The following NEMP2 variants were observed in gnomAD, a reference collection of about 807,000 sequenced individuals.
NEMP2 encodes the protein UPF0571 transmembrane protein.
Under a neutral mutation model 54.2 loss-of-function variants are expected in NEMP2, and 53 were observed. The ratio of observed to expected loss-of-function variants is 0.98; its 90% CI spans 0.78 to 1.23. The LOEUF (loss-of-function observed/expected upper bound fraction) is 1.23, where lower values mean the gene tolerates loss of function less well. Among genes scored for constraint, NEMP2 ranks in the 50% most tolerant of loss-of-function variants. The pLI is 0.00. For synonymous variants in NEMP2, 197 were observed against 190.3 expected, an observed-to-expected ratio of 1.04 and a Z score of -0.29; for missense variants, 455 against 511.3, an observed-to-expected ratio of 0.89 and a Z score of 1.06.
At chr2:190,497,885 G>GAC in the NEMP2 span, 839 of 770,696 alleles carry the variant, frequency 1.1e-3, 5 homozygotes, top group African/African-American at 0.014. The surrounding 1 kb of genome is among the most constrained non-coding windows in gnomAD (Gnocchi z 5.2). Context: ...AGTTAAAGAG[G>GAC]GTGTATACAA....
In NEMP2 at chr2:190,510,674, G is replaced by T. The variant is rs1690330767; in HGVS notation, c.954-137C>A. 2 of 754,056 alleles carry T rather than the reference G, an allele frequency of 2.7e-6. No homozygotes were observed. The highest frequency in any genetic ancestry group is 4.3e-6 in the Non-Finnish European group (2 of 461,276). The allele number at this position is 754,056 out of a possible 1,614,324, so 46.7% of individuals were successfully genotyped here. A position where few individuals can be genotyped will look rare whatever the true frequency, so the allele number is the denominator to read the frequency against. On this transcript the variant is annotated intron_variant, in intron 7 of 8. Transcript: ENST00000409150. The surrounding 1 kb of genome is among the most constrained non-coding windows in gnomAD (Gnocchi z 5.7). Reference sequence around the variant, plus strand: ...GGGGAGGCGGATCACGAGGTCAGGAGATTGAGACGGTCCTGGCTAACAAGG... The same window carrying T: ...GGGGAGGCGGATCACGAGGTCAGGATATTGAGACGGTCCTGGCTAACAAGG...
chr2:190,602,723 T>C, the NEMP2 span, among the ~76,000 whole-genome samples: 1 of 151,968 alleles, frequency 6.6e-6, no homozygotes, highest in Non-Finnish European at 1.5e-5. Flanking sequence ...GCCAAGGGAG[T>C]GCAGTTTTCT....
At chr2:190,582,640 G>GCTT in the NEMP2 span, among the ~76,000 whole-genome samples, 1 of 152,176 alleles carries the variant, frequency 6.6e-6, no homozygotes, top group Non-Finnish European at 1.5e-5. The surrounding 1 kb of genome is among the most constrained non-coding windows in gnomAD (Gnocchi z 4.6). Flanking sequence ...AAGAAGGTTG[G>GCTT]CTTCTGATTC....
the NEMP2 span, among the ~76,000 whole-genome samples, chr2:190,620,767 C>A: frequency 6.6e-6 from 1 of 152,028 alleles, no homozygotes; most frequent in Non-Finnish European, 1.5e-5. The surrounding 1 kb of genome is among the most constrained non-coding windows in gnomAD (Gnocchi z 4.9). Flanking sequence ...CTAGACAAGG[C>A]AATTAGACAA....
At chr2:190,503,161 G>C (rs1690092276), downstream of NEMP2, among the ~76,000 whole-genome samples, 1 of 152,188 alleles carries the variant, frequency 6.6e-6, no homozygotes, top group African/African-American at 2.4e-5. The surrounding 1 kb of genome is among the most constrained non-coding windows in gnomAD (Gnocchi z 6.3). Context: ...CTGATGCTTT[G>C]TGAAATGTAG....
rs375753412 is a variant in NEMP2 at position 190,509,183 on chromosome 2, C to T, written c.*6G>A. 5.6e-5 allele frequency: 87 copies of T among 1,551,536 alleles called. 1 individual carries two copies. In the South Asian group the frequency reaches 9.8e-4, roughly 17 times the overall value. The stretch of plus-strand genomic sequence containing the variant: ...TCCAGAATGAAGTCAACTTGAAGGT[C>T]GCATGTCAGGCAGTACTCGGGTTAA... On this transcript the variant is annotated 3_prime_UTR_variant, in exon 9 of 9. Coordinates refer to ENST00000409150, the MANE Select transcript of NEMP2 (RefSeq NM_001142645.2). This position sits in a 1 kb window ranked among gnomAD's most constrained non-coding sequence, Gnocchi z 6.1.
At chr2:190,422,523 T>C in the NEMP2 span, among the ~76,000 whole-genome samples, 1 of 152,232 alleles carries the variant, frequency 6.6e-6, no homozygotes, top group Non-Finnish European at 1.5e-5. Flanking sequence ...TAAACTCAAG[T>C]AATAATTTGG....
At chr2:190,457,865 C>T in the NEMP2 span, among the ~76,000 whole-genome samples, 2 of 152,266 alleles carry the variant, frequency 1.3e-5, no homozygotes, top group African/African-American at 4.8e-5. This position sits in a 1 kb window ranked among gnomAD's most constrained non-coding sequence, Gnocchi z 5.1. Flanking sequence ...CCATGCTGCC[C>T]ATTTTAAAAC....
the NEMP2 span, among the ~76,000 whole-genome samples, chr2:190,539,896 T>G: frequency 6.6e-6 from 1 of 152,208 alleles, no homozygotes; most frequent in Non-Finnish European, 1.5e-5. This position sits in a 1 kb window ranked among gnomAD's most constrained non-coding sequence, Gnocchi z 4.1. Flanking sequence ...CCTTTCCAAT[T>G]TGGAAGCCCT....
chr2:190,565,982 A>G, the NEMP2 span, among the ~76,000 whole-genome samples: 1 of 152,010 alleles, frequency 6.6e-6, no homozygotes, highest in African/African-American at 2.4e-5. Flanking sequence ...TAGAAAACTA[A>G]TATCTCCCCC....
In NEMP2 at chr2:190,513,693, G is replaced by A. The variant is rs748866513; in HGVS notation, c.953+760C>T. ...TTTCTCTCCATCAGGAAAGCCCTCC[G>A]CATTTATTCGTCTGGTTATTTTTAT... On this transcript the variant is annotated intron_variant, in intron 7 of 8. Coordinates refer to ENST00000409150, the MANE Select transcript of NEMP2 (RefSeq NM_001142645.2). The surrounding 1 kb of genome is among the most constrained non-coding windows in gnomAD (Gnocchi z 5.3). 5.3e-5 allele frequency among the ~76,000 whole-genome samples: 8 copies of A among 152,144 alleles called. No individual in the cohort carries two copies. Among genetic ancestry groups the A allele is most frequent in the Non-Finnish European group, 1.2e-4 (8 of 68,022 alleles).
the NEMP2 span, among the ~76,000 whole-genome samples, chr2:190,427,922 G>A: frequency 6.6e-6 from 1 of 152,178 alleles, no homozygotes; most frequent in South Asian, 2.1e-4. Context: ...AGTAGAGATG[G>A]GGTTTCACCA....
chr2:190,425,554 A>T, the NEMP2 span, among the ~76,000 whole-genome samples: 1 of 152,142 alleles, frequency 6.6e-6, no homozygotes, highest in Non-Finnish European at 1.5e-5. This position sits in a 1 kb window ranked among gnomAD's most constrained non-coding sequence, Gnocchi z 4.3. Context: ...ATTTTCTGAG[A>T]CTTTTTCAAA....
At chr2:190,468,322 C>G in the NEMP2 span, among the ~76,000 whole-genome samples, 1 of 152,184 alleles carries the variant, frequency 6.6e-6, no homozygotes, top group Non-Finnish European at 1.5e-5. Flanking sequence ...CCACACCCTT[C>G]AACTTTTTCT....
At chr2:190,554,392 CT>C in the NEMP2 span, among the ~76,000 whole-genome samples, 1 of 152,210 alleles carries the variant, frequency 6.6e-6, no homozygotes, top group African/African-American at 2.4e-5. This position sits in a 1 kb window ranked among gnomAD's most constrained non-coding sequence, Gnocchi z 5.7. Context: ...GCCTAGCAAG[CT>C]AAGATCCACT....
chr2:190,553,932 C>T, the NEMP2 span, among the ~76,000 whole-genome samples: 2 of 152,146 alleles, frequency 1.3e-5, no homozygotes, highest in Non-Finnish European at 2.9e-5. Context: ...ATGCAGAAGG[C>T]GAGTGATATC....
the NEMP2 span, among the ~76,000 whole-genome samples, chr2:190,606,122 G>A: frequency 2.0e-5 from 3 of 152,180 alleles, no homozygotes; most frequent in African/African-American, 7.2e-5. Context: ...TTAAGCTAAG[G>A]CCGGACCAAA....
chr2:190,618,752 G>C, the NEMP2 span, among the ~76,000 whole-genome samples: 1 of 152,058 alleles, frequency 6.6e-6, no homozygotes, highest in African/African-American at 2.4e-5. Flanking sequence ...AGTAGTTTTT[G>C]ATTTTTAATA....
the NEMP2 span, among the ~76,000 whole-genome samples, chr2:190,566,656 AAAGGGAAGGG>A: frequency 6.7e-6 from 1 of 149,270 alleles, no homozygotes; most frequent in African/African-American, 2.5e-5. Flanking sequence ...GAGGGGAGGG[AAAGGGAAGGG>A]AAGAGAAGGG....
Sources: allele counts gnomAD v4.1 joint callset (sites outside exome capture counted in the v4.1 genomes callset), GRCh38; gene constraint gnomAD v4.1.1; non-coding constraint Gnocchi (gnomAD v3.1); transcripts MANE v1.5; gene names NCBI Gene and HGNC (gene_info 2026-07-23, HGNC 2026-07-21).